CADM2: variants seen among roughly 807,000 people sequenced by gnomAD.
CADM2 encodes the protein cell adhesion molecule 2.
CADM2 carries 12 observed loss-of-function variants against 49.8 expected under a neutral mutation model. That is an observed-to-expected ratio of 0.24 (90% CI 0.15 to 0.39). CADM2 has a LOEUF of 0.39. Ranked by LOEUF, CADM2 falls within the 10% of genes least tolerant of loss-of-function variation. The probability of loss-of-function intolerance (pLI) is 1.00; values close to 1 mark genes in which losing one functional copy is unlikely to be tolerated. For synonymous variants in CADM2, 214 were observed against 175.4 expected (o/e 1.22, Z -1.74); for missense variants, 378 against 492.3 (o/e 0.77, Z 2.20).
At chr3:85,977,231 G>A (rs1048575609) in intron 8 of CADM2, among the ~76,000 whole-genome samples, 2 of 151,188 alleles carry the variant, frequency 1.3e-5, no homozygotes, top group Non-Finnish European at 3.0e-5. Context: ...TAATAATTCA[G>A]TGATGGGGCT....
At chr3:85,890,846 G>T (rs1714334205) in intron 5 of CADM2, among the ~76,000 whole-genome samples, 1 of 152,136 alleles carries the variant, frequency 6.6e-6, no homozygotes, top group Non-Finnish European at 1.5e-5. Context: ...ACACTTTGAA[G>T]AAATGAATTT....
intron 1 of CADM2, among the ~76,000 whole-genome samples, chr3:85,194,281 G>A (rs1249436860): frequency 6.6e-6 from 1 of 152,046 alleles, no homozygotes; most frequent in Admixed American, 6.6e-5. Flanking sequence ...CTCAAGAGAA[G>A]GAATAGAAAC....
chr3:85,705,093 C>T (rs956185461), intron 1 of CADM2, among the ~76,000 whole-genome samples: 3 of 148,932 alleles, frequency 2.0e-5, no homozygotes, highest in Non-Finnish European at 4.4e-5. Flanking sequence ...GTCTCGATCT[C>T]CTGACCTTGT....
chr3:85,551,997 A>G (rs1026453807), intron 1 of CADM2, among the ~76,000 whole-genome samples: 1 of 114,464 alleles, frequency 8.7e-6, no homozygotes, highest in Non-Finnish European at 2.1e-5. Flanking sequence ...CACATTAAAG[A>G]TTTTATATTT....
At chr3:85,767,519 T>C (rs1366860639) in intron 2 of CADM2, among the ~76,000 whole-genome samples, 1 of 152,128 alleles carries the variant, frequency 6.6e-6, no homozygotes, top group Admixed American at 6.6e-5. Context: ...ATACATGAAG[T>C]TTTCTTCTCA....
intron 1 of CADM2, among the ~76,000 whole-genome samples, chr3:85,337,884 A>G (rs2045132308): frequency 1.3e-5 from 2 of 151,508 alleles, no homozygotes; most frequent in Non-Finnish European, 3.0e-5. Flanking sequence ...ACATTCATAT[A>G]CTCTCATATA....
intron 1 of CADM2, among the ~76,000 whole-genome samples, chr3:85,517,057 AC>A (rs1455425208): frequency 6.6e-6 from 1 of 151,928 alleles, no homozygotes; most frequent in Non-Finnish European, 1.5e-5. Context: ...AAAGACAACT[AC>A]ACCACTCTGG....
intron 1 of CADM2, among the ~76,000 whole-genome samples, chr3:85,464,022 G>A (rs1559853133): frequency 6.6e-6 from 1 of 152,070 alleles, no homozygotes; most frequent in Non-Finnish European, 1.5e-5. Context: ...TGATCAATAT[G>A]TAATTCTCTC....
intron 1 of CADM2, among the ~76,000 whole-genome samples, chr3:85,583,106 C>G (rs2062842547): frequency 6.6e-6 from 1 of 152,016 alleles, no homozygotes; most frequent in African/African-American, 2.4e-5. Context: ...GAATAAAGTT[C>G]AAATAGATTC....
intron 1 of CADM2, among the ~76,000 whole-genome samples, chr3:85,065,997 G>A (rs374929597): frequency 5.3e-5 from 8 of 152,158 alleles, no homozygotes; most frequent in African/African-American, 1.7e-4. Flanking sequence ...CTGTCTTGGA[G>A]GTTTCACTGG....
At chr3:86,028,459 A>C (rs750462527) in intron 8 of CADM2, among the ~76,000 whole-genome samples, 42 of 152,300 alleles carry the variant, frequency 2.8e-4, no homozygotes, top group Middle Eastern at 3.4e-3. Flanking sequence ...CCATAAAAAA[A>C]GTGTTTGCAA....
At chr3:85,961,368 G>A (rs1356458045) in intron 7 of CADM2, 101 bp from the exon 8 acceptor site, 3 of 1,021,892 alleles carry the variant, frequency 2.9e-6, no homozygotes, top group Admixed American at 4.5e-5. Flanking sequence ...ATATGGTTGT[G>A]TACAAAATAC....
intron 5 of CADM2, among the ~76,000 whole-genome samples, chr3:85,904,740 A>C (rs1186775549): frequency 6.6e-6 from 1 of 151,996 alleles, no homozygotes; most frequent in Non-Finnish European, 1.5e-5. Context: ...TCTTTTTCAT[A>C]CTCATACGTT....
At chr3:85,794,260 G>A (rs557387378) in intron 2 of CADM2, among the ~76,000 whole-genome samples, 83 of 152,248 alleles carry the variant, frequency 5.5e-4, no homozygotes, top group Non-Finnish European at 1.0e-3. Flanking sequence ...ATGAACAAAT[G>A]CATGAGACTT....
intron 1 of CADM2, among the ~76,000 whole-genome samples, chr3:85,201,206 A>G (rs1325765518): frequency 1.3e-5 from 2 of 152,180 alleles, no homozygotes; most frequent in African/African-American, 4.8e-5. Context: ...TGGAGATATT[A>G]CATGTTTGTT....
chr3:85,098,642 AT>A (rs1045527940), intron 1 of CADM2, among the ~76,000 whole-genome samples: 22 of 152,178 alleles, frequency 1.4e-4, no homozygotes, highest in Admixed American at 4.6e-4. Context: ...AAATAACTAT[AT>A]TCGTCCCTCA....
chr3:84,959,241 T>G lies in CADM2; in HGVS notation c.-367T>G, dbSNP rs2030201600. On this transcript the variant is annotated 5_prime_UTR_variant, in exon 1 of 10. Transcript: ENST00000383699. ...CCTTGCAGCCCTCGCCCGCACCTTC[T>G]CCAACACCCCGGCATCCCTGCACCA... is the stretch of plus-strand genomic sequence containing the variant. 1 of 376,852 alleles carries G rather than the reference T, an allele frequency of 2.7e-6. No homozygotes were observed. The highest frequency in any genetic ancestry group is 4.5e-5 in the Admixed American group (1 of 22,222). 23.3% of individuals were successfully genotyped at this position (376,852 alleles called of 1,614,324 possible).
chr3:85,456,698 A>G (rs944903571), intron 1 of CADM2, among the ~76,000 whole-genome samples: 1 of 152,100 alleles, frequency 6.6e-6, no homozygotes, highest in Non-Finnish European at 1.5e-5. Flanking sequence ...GACACCCTCT[A>G]TGAAGTTCAA....
At chr3:85,396,247 G>T (rs936659354) in intron 1 of CADM2, among the ~76,000 whole-genome samples, 38 of 151,706 alleles carry the variant, frequency 2.5e-4, no homozygotes, top group Non-Finnish European at 4.7e-4. Flanking sequence ...CTTGCTGCTT[G>T]TGATCTTAGT....
Sources: gnomAD v4.1 joint callset for allele counts (sites outside exome capture counted in the v4.1 genomes callset) on GRCh38, gnomAD v4.1.1 for gene constraint, MANE v1.5 for transcripts, NCBI Gene and HGNC (gene_info 2026-07-23, HGNC 2026-07-21) for gene names.